Variants in DIS3L2 observed in about 807,000 individuals in gnomAD.
The protein encoded by DIS3L2 is DIS3-like exonuclease 2.
DIS3L2 carries 34 observed loss-of-function variants against 97.5 expected under a neutral mutation model. That is an observed-to-expected ratio of 0.35 (90% CI 0.27 to 0.46). The LOEUF (loss-of-function observed/expected upper bound fraction) is 0.46, where lower values mean the gene tolerates loss of function less well. DIS3L2 is among the 20% of genes least tolerant of loss of function. The probability of loss-of-function intolerance (pLI) is 1.00; values close to 1 mark genes in which losing one functional copy is unlikely to be tolerated. For missense variants in DIS3L2, 1,038 were observed against 1,146.0 expected (o/e 0.91, Z 1.36); for synonymous variants, 435 against 445.2 (o/e 0.98, Z 0.29).
At chr2:232,083,131 C>T (rs1696454691) in intron 5 of DIS3L2, among the ~76,000 whole-genome samples, 1 of 151,202 alleles carries the variant, frequency 6.6e-6, no homozygotes, top group African/African-American at 2.4e-5. Flanking sequence ...ATTGTGGGAG[C>T]TACAAGTCAA....
At chr2:232,020,907 G>A (rs1464838699) in intron 3 of DIS3L2, among the ~76,000 whole-genome samples, 1 of 152,148 alleles carries the variant, frequency 6.6e-6, no homozygotes, top group Non-Finnish European at 1.5e-5. Context: ...TACTATAAGA[G>A]GAGCGTCTGT....
intron 13 of DIS3L2, among the ~76,000 whole-genome samples, chr2:232,279,702 T>C (rs186969200): frequency 1.1e-4 from 16 of 152,276 alleles, no homozygotes; most frequent in Admixed American, 9.8e-4. Context: ...CTAATTATTT[T>C]ATATTTTTAG....
intron 5 of DIS3L2, among the ~76,000 whole-genome samples, chr2:232,054,074 C>T (rs1574840421): frequency 6.6e-6 from 1 of 152,180 alleles, no homozygotes; most frequent in Admixed American, 6.5e-5. Context: ...GCTCCTCTCA[C>T]CCCATCACTA....
At chr2:232,105,091 T>C (rs1697322921) in intron 6 of DIS3L2, among the ~76,000 whole-genome samples, 1 of 152,230 alleles carries the variant, frequency 6.6e-6, no homozygotes, top group African/African-American at 2.4e-5. Context: ...GTGCTGGGAT[T>C]ACAGATGTGA....
intron 14 of DIS3L2, 28 bp from the exon 15 acceptor site, chr2:232,329,785 T>TGCCCGGGGGGGGGGCCCCCCCC: frequency 1.0e-6 from 1 of 967,142 alleles, no homozygotes; most frequent in Non-Finnish European, 1.5e-6. Flanking sequence ...ACCCCAGCGG[T>TGCCCGGGGGGGGGGCCCCCCCC]CCCTCCCATC....
intron 10 of DIS3L2, 86 bp downstream of exon 10, chr2:232,210,491 C>A: frequency 7.9e-7 from 1 of 1,266,478 alleles, no homozygotes; most frequent in Non-Finnish European, 1.1e-6. Flanking sequence ...GCTGCCTAGG[C>A]AGCATACTGT....
At chr2:232,307,496 CACTT>C (rs772883801) in intron 14 of DIS3L2, 9 of 149,506 alleles carry the variant, frequency 6.0e-5, no homozygotes, top group Admixed American at 2.7e-4. Flanking sequence ...TAATTACAGT[CACTT>C]ACATCAGTTT....
At chr2:232,324,058 A>G (rs1290137999) in intron 14 of DIS3L2, among the ~76,000 whole-genome samples, 4 of 151,766 alleles carry the variant, frequency 2.6e-5, no homozygotes, top group African/African-American at 7.2e-5. Flanking sequence ...ACCACACTAC[A>G]CTCAATTTCC....
chr2:232,161,041 CAG>C lies in DIS3L2; in HGVS notation c.951-2415_951-2414del, dbSNP rs1000265605. ...CAAGCGTTTCTCCTGTCTAAGCCTC[CAG>C]AGTAGCTGGGACTGCGGGCATGCAC... On this transcript the variant is annotated intron_variant, in intron 8 of 20. Transcript: ENST00000325385. Among the ~76,000 whole-genome samples, 14 of 152,196 alleles carry C rather than the reference CAG, an allele frequency of 9.2e-5. No individual in the cohort carries two copies. In the South Asian group the frequency reaches 1.7e-3, roughly 18 times the overall value.
intron 9 of DIS3L2, among the ~76,000 whole-genome samples, chr2:232,167,539 A>G (rs1477932759): frequency 6.6e-6 from 1 of 152,176 alleles, no homozygotes; most frequent in African/African-American, 2.4e-5. Context: ...AAAAGGATAT[A>G]TGTTTAGAAG....
intron 5 of DIS3L2, among the ~76,000 whole-genome samples, chr2:232,079,704 G>C (rs1344591227): frequency 6.6e-6 from 1 of 151,988 alleles, no homozygotes; most frequent in African/African-American, 2.4e-5. Context: ...ACTGTGATCA[G>C]GGAAGTGTCT....
intron 1 of DIS3L2, among the ~76,000 whole-genome samples, chr2:231,992,928 CAG>C (rs1410773292): frequency 6.6e-6 from 1 of 152,192 alleles, no homozygotes; most frequent in African/African-American, 2.4e-5. Flanking sequence ...TGAGGCTCCT[CAG>C]AGTCTCAATC....
chr2:232,179,814 G>C (rs1691215039), intron 9 of DIS3L2, among the ~76,000 whole-genome samples: 1 of 98,890 alleles, frequency 1.0e-5, no homozygotes, highest in Non-Finnish European at 1.8e-5. Flanking sequence ...ATTTCCTTCA[G>C]TTCTGCTCTG....
chr2:232,167,887 A>G (rs1381757062), intron 9 of DIS3L2, among the ~76,000 whole-genome samples: 2 of 152,034 alleles, frequency 1.3e-5, no homozygotes, highest in East Asian at 3.9e-4. Flanking sequence ...CTGTCTCACT[A>G]AAAATACAAA....
chr2:232,210,553 T>C, intron 10 of DIS3L2, 148 bp downstream of exon 10: 1 of 668,526 alleles, frequency 1.5e-6, no homozygotes, highest in Non-Finnish European at 2.7e-6. Context: ...TCTGAGCCTT[T>C]ACAACTATGT....
chr2:232,010,446 C>T (rs1184610255), intron 1 of DIS3L2, among the ~76,000 whole-genome samples: 1 of 151,900 alleles, frequency 6.6e-6, no homozygotes, highest in Non-Finnish European at 1.5e-5. Context: ...GTTGATTAAT[C>T]CATGTACTTC....
chr2:231,981,195 T>TG (rs1458408459), intron 1 of DIS3L2, among the ~76,000 whole-genome samples: 1 of 152,156 alleles, frequency 6.6e-6, no homozygotes, highest in Non-Finnish European at 1.5e-5. Context: ...CTGCCTACCT[T>TG]GGCCTCCCAA....
At chr2:232,102,994 C>T (rs935579132) in intron 6 of DIS3L2, among the ~76,000 whole-genome samples, 1 of 151,980 alleles carries the variant, frequency 6.6e-6, no homozygotes, top group Non-Finnish European at 1.5e-5. Flanking sequence ...AGATTTTTAA[C>T]TTATTTGAGT....
chr2:232,048,402 A>G (rs1297072150), intron 5 of DIS3L2, among the ~76,000 whole-genome samples: 4 of 152,018 alleles, frequency 2.6e-5, no homozygotes, highest in Non-Finnish European at 2.9e-5. Context: ...TGGAGCATCA[A>G]AAGTTCTCTC....
Sources: allele counts gnomAD v4.1 joint callset (sites outside exome capture counted in the v4.1 genomes callset), GRCh38; gene constraint gnomAD v4.1.1; transcripts MANE v1.5; gene names NCBI Gene and HGNC (gene_info 2026-07-23, HGNC 2026-07-21).